WDTC1: variants seen among roughly 807,000 people sequenced by gnomAD.
WDTC1 encodes WD and tetratricopeptide repeats 1.
Under a neutral mutation model 76.0 loss-of-function variants are expected in WDTC1, and 12 were observed. The ratio of observed to expected loss-of-function variants is 0.16; its 90% confidence interval spans 0.10 to 0.26. The LOEUF is 0.26. Ranked by LOEUF, WDTC1 falls within the 10% of genes least tolerant of loss-of-function variation. The pLI, the probability that WDTC1 is intolerant of heterozygous loss-of-function variation, is 1.00. For synonymous variants in WDTC1, 326 were observed against 350.8 expected, an observed-to-expected ratio of 0.93 and a Z score of 0.79; for missense variants, 511 against 908.8, an observed-to-expected ratio of 0.56 and a Z score of 5.63.
chr1:27,249,272 A>AG (rs1243745371), intron 1 of WDTC1, among the ~76,000 whole-genome samples: 1 of 151,454 alleles, frequency 6.6e-6, no homozygotes, highest in African/African-American at 2.4e-5. Context: ...GTCTCAAAAA[A>AG]AAAAAAAAGC....
chr1:27,289,008 C>A (rs868393548), intron 6 of WDTC1, among the ~76,000 whole-genome samples: 1 of 140,818 alleles, frequency 7.1e-6, no homozygotes, highest in Admixed American at 7.1e-5. Flanking sequence ...CCCTCCCGGA[C>A]GGGGCGGCTG....
chr1:27,299,626 C>T (rs2013782068), intron 12 of WDTC1, among the ~76,000 whole-genome samples: 1 of 152,070 alleles, frequency 6.6e-6, no homozygotes, highest in African/African-American at 2.4e-5. Context: ...AAGGGACTGG[C>T]AGGAGATGAG....
intron 12 of WDTC1, among the ~76,000 whole-genome samples, chr1:27,300,339 A>G (rs567096579): frequency 6.6e-6 from 1 of 152,048 alleles, no homozygotes; most frequent in African/African-American, 2.4e-5. Context: ...CTGAAAAAAA[A>G]AAATGGCTTC....
intron 6 of WDTC1, among the ~76,000 whole-genome samples, chr1:27,291,712 A>G (rs961582363): frequency 3.3e-5 from 5 of 152,138 alleles, no homozygotes; most frequent in Non-Finnish European, 7.3e-5. Context: ...TGTCACCTCC[A>G]TACCTTGTTT....
chr1:27,300,037 C>G (rs1378861838), intron 12 of WDTC1, among the ~76,000 whole-genome samples: 1 of 152,180 alleles, frequency 6.6e-6, no homozygotes, highest in African/African-American at 2.4e-5. Flanking sequence ...CCTGCTCCTT[C>G]GTCAGAGCCA....
At chr1:27,241,900 G>GTT (rs549158445) in intron 1 of WDTC1, among the ~76,000 whole-genome samples, 12 of 139,600 alleles carry the variant, frequency 8.6e-5, no homozygotes, top group African/African-American at 7.9e-5. Flanking sequence ...GTTTTTTTTT[G>GTT]TTTTTTTTTT....
intron 1 of WDTC1, among the ~76,000 whole-genome samples, chr1:27,247,775 A>G (rs74454363): frequency 0.13 from 19,900 of 147,968 alleles, 1,656 homozygotes; most frequent in East Asian, 0.18. Context: ...CTGGAGTGCA[A>G]TGGCGTAGTC....
intron 6 of WDTC1, 134 bp downstream of exon 6, chr1:27,287,995 T>C (rs1413142647): frequency 1.8e-6 from 2 of 1,127,704 alleles, no homozygotes; most frequent in Non-Finnish European, 2.5e-6. Context: ...CAGTTGTCTG[T>C]GTACAAACTC....
At chr1:27,246,933 CAT>C (rs1167263537) in intron 1 of WDTC1, among the ~76,000 whole-genome samples, 2 of 145,032 alleles carry the variant, frequency 1.4e-5, no homozygotes, top group African/African-American at 5.1e-5. Context: ...GTGCCACAAA[CAT>C]AGCTCACTGC....
Position 27,305,295 on chromosome 1 carries a change from G to C in WDTC1, c.1836+102G>C, listed in dbSNP as rs2013927436. 4.3e-6 allele frequency: 6 copies of C among 1,395,552 alleles called. No individual in the cohort carries two copies. Among genetic ancestry groups the C allele is most frequent in the Admixed American group, 2.6e-5 (1 of 38,190 alleles). The allele number at this position is 1,395,552 out of a possible 1,614,324, so 86.4% of individuals were successfully genotyped here. ...AGAGAAATGAGCCACCCAGAGGCTA[G>C]AAGCTGCTAAGTAAGCCTTACCCCG... On this transcript the variant is annotated intron_variant, in intron 15 of 15. Transcript: ENST00000319394. This position sits in a 1 kb window ranked among gnomAD's most constrained non-coding sequence, Gnocchi z 4.6.
intron 14 of WDTC1, chr1:27,304,386 G>A (rs2013903897): frequency 6.4e-6 from 1 of 157,352 alleles, no homozygotes; most frequent in Non-Finnish European, 1.4e-5. Context: ...GAAGCAGGAG[G>A]ATCGCTTGAG....
chr1:27,300,747 G>A (rs2013810719), intron 12 of WDTC1, among the ~76,000 whole-genome samples: 1 of 152,170 alleles, frequency 6.6e-6, no homozygotes, highest in Admixed American at 6.5e-5. Context: ...GTCAGACCCT[G>A]CGTCCCCAGC....
chr1:27,265,373 C>A (rs1005787077), intron 3 of WDTC1, among the ~76,000 whole-genome samples: 1 of 152,176 alleles, frequency 6.6e-6, no homozygotes, highest in African/African-American at 2.4e-5. Context: ...TCATTAAATT[C>A]TTTGCCTTGG....
At chr1:27,285,369 A>G (rs868782619) in intron 5 of WDTC1, among the ~76,000 whole-genome samples, 1 of 152,032 alleles carries the variant, frequency 6.6e-6, no homozygotes, top group South Asian at 2.1e-4. Context: ...AGAGAAGCCT[A>G]TGTGGAAAGA....
intron 12 of WDTC1, among the ~76,000 whole-genome samples, chr1:27,300,059 G>A (rs775588701): frequency 2.6e-5 from 4 of 152,160 alleles, no homozygotes; most frequent in Non-Finnish European, 4.4e-5. Context: ...TCATCCTGAC[G>A]CAGGCCACGC....
intron 3 of WDTC1, among the ~76,000 whole-genome samples, chr1:27,278,385 G>T (rs12042280): frequency 6.6e-6 from 1 of 152,190 alleles, no homozygotes; most frequent in Non-Finnish European, 1.5e-5. Flanking sequence ...TGAAGTACCA[G>T]AGGGCAGAAC....
At chr1:27,287,011 A>C (rs1225585809) in intron 5 of WDTC1, among the ~76,000 whole-genome samples, 1 of 151,554 alleles carries the variant, frequency 6.6e-6, no homozygotes, top group African/African-American at 2.4e-5. Flanking sequence ...AAAAATACAA[A>C]AATTAGCTGG....
In WDTC1 at chr1:27,274,358, T is replaced by C. The variant is rs921304796; in HGVS notation, c.133-7881T>C. On this transcript the variant is annotated intron_variant, in intron 3 of 15. Coordinates refer to ENST00000319394, the MANE Select transcript of WDTC1 (RefSeq NM_001276252.2). The surrounding 1 kb of genome is among the most constrained non-coding windows in gnomAD (Gnocchi z 4.2). Reference sequence around the variant, plus strand: ...ATACAGAGAACTGGCTGGGGCACAGTGGCTCATGCCTATAACCCCATACTT... The same window carrying C: ...ATACAGAGAACTGGCTGGGGCACAGCGGCTCATGCCTATAACCCCATACTT... Among the ~76,000 whole-genome samples, 2 of 151,846 alleles carry C rather than the reference T, an allele frequency of 1.3e-5. No homozygotes were observed. Among genetic ancestry groups the C allele is most frequent in the Admixed American group, 1.3e-4 (2 of 15,224 alleles).
In WDTC1 at chr1:27,301,283, A is replaced by G. The variant is rs1418698170; in HGVS notation, c.1290A>G (p.Pro430=). ...RDCLKAISLN[P]CHLKAHFRLA... is the part of the protein sequence containing the mutation. ...GCCTCAAGGCCATCTCCCTAAACCC[A>G]TGCCACCTGAAGGCACACTTTCGCC... The change falls in exon 13 of 16, where the codon CCA becomes CCG. Residue 430 remains proline (P), a synonymous_variant. Coordinates refer to ENST00000319394, the MANE Select transcript of WDTC1 (RefSeq NM_001276252.2). This position sits in a 1 kb window ranked among gnomAD's most constrained non-coding sequence, Gnocchi z 5.8. The G allele has an allele frequency of 2.5e-6, 4 of 1,613,996 alleles. No homozygotes were observed. Among genetic ancestry groups the G allele is most frequent in the Admixed American group, 1.7e-5 (1 of 60,000 alleles).
Sources: allele counts gnomAD v4.1 joint callset (sites outside exome capture counted in the v4.1 genomes callset), GRCh38; gene constraint gnomAD v4.1.1; non-coding constraint Gnocchi (gnomAD v3.1); transcripts MANE v1.5; gene names NCBI Gene and HGNC (gene_info 2026-07-23, HGNC 2026-07-21).